Variants in MXD1 observed in about 807,000 individuals in gnomAD.
The protein encoded by MXD1 is MAX-binding protein.
A neutral mutation model predicts 25.7 loss-of-function variants in MXD1; 9 were observed. The ratio of observed to expected loss-of-function variants is 0.35; its 90% CI spans 0.21 to 0.61. MXD1 has a LOEUF of 0.61. MXD1 is among the 20% of genes least tolerant of loss of function. The pLI is 0.75. For synonymous variants in MXD1, 99 were observed against 113.9 expected (o/e 0.87, Z 0.83); for missense variants, 227 against 292.4 (o/e 0.78, Z 1.63).
chr2:69,928,765 G>C (rs1175109069), intron 3 of MXD1, among the ~76,000 whole-genome samples: 1 of 151,440 alleles, frequency 6.6e-6, no homozygotes, highest in Non-Finnish European at 1.5e-5. Flanking sequence ...AGGATTGATT[G>C]AGTCTGCGAA....
At chr2:69,918,306 C>T (rs536600329) in intron 2 of MXD1, among the ~76,000 whole-genome samples, 2 of 152,064 alleles carry the variant, frequency 1.3e-5, no homozygotes, top group Admixed American at 1.3e-4. Flanking sequence ...TTTCCTTGGA[C>T]AATAAAAGAT....
In MXD1 at chr2:69,938,416, A is replaced by C. The variant is rs1325668536; in HGVS notation, c.*132A>C. On this transcript the variant is annotated 3_prime_UTR_variant, in exon 6 of 6. Transcript: ENST00000264444. ...CACCTTGACCAAAATCAGCTTTGTA[A>C]CTGTTTTCAAGGAGGTGCTTAGGAT... is the stretch of plus-strand genomic sequence containing the variant. The C allele has an allele frequency of 1.1e-6, 1 of 890,638 alleles. No individual in the cohort carries two copies. Among genetic ancestry groups the C allele is most frequent in the Non-Finnish European group, 1.7e-6 (1 of 581,902 alleles). The allele number at this position is 890,638 out of a possible 1,614,324, so 55.2% of individuals were successfully genotyped here.
intron 3 of MXD1, among the ~76,000 whole-genome samples, chr2:69,924,977 G>A (rs977086561): frequency 6.6e-6 from 1 of 152,114 alleles, no homozygotes; most frequent in African/African-American, 2.4e-5. Flanking sequence ...AAGTATCTTC[G>A]CATTGGTGGG....
At position 69,937,321 on chromosome 2, in the gene MXD1, G is replaced by A. The variant is rs1224801659; in HGVS notation, c.405G>A (p.Lys135=). 2 of 1,614,216 alleles carry A rather than the reference G, an allele frequency of 1.2e-6. No individual in the cohort carries two copies. The highest frequency in any genetic ancestry group is 2.2e-5 in the East Asian group (1 of 44,882). ...EQRHLKRQLE[K]LGIERIRMDS... The stretch of plus-strand genomic sequence containing the variant: ...GACACCTGAAGAGGCAGCTGGAGAA[G>A]CTGGGCATTGAGAGGATCCGGATGG... The change falls in exon 5 of 6, where the codon AAG becomes AAA. Residue 135 remains lysine, a synonymous_variant. Transcript: ENST00000264444.
rs936945006 is a variant in MXD1, at chr2:69,924,978, C to T, written c.203+3213C>T. Reference sequence around the variant, plus strand: ...ACACCAACACTTTGAAGTATCTTCGCATTGGTGGGACAATAAAAGAAAAGA... The same window carrying T: ...ACACCAACACTTTGAAGTATCTTCGTATTGGTGGGACAATAAAAGAAAAGA... On this transcript the variant is annotated intron_variant, in intron 3 of 5. Coordinates refer to ENST00000264444, the MANE Select transcript of MXD1 (RefSeq NM_002357.4). Among the ~76,000 whole-genome samples, 5 of 152,186 alleles carry T rather than the reference C, an allele frequency of 3.3e-5. No individual in the cohort carries two copies. The South Asian group carries it at 8.3e-4, about 25-fold the overall frequency.
At chr2:69,931,308 A>C (rs1238197820) in intron 3 of MXD1, among the ~76,000 whole-genome samples, 1 of 151,924 alleles carries the variant, frequency 6.6e-6, no homozygotes, top group Non-Finnish European at 1.5e-5. Flanking sequence ...CCCATTAACC[A>C]TCCCCACCTC....
chr2:69,937,820 G>T (rs1395205997), intron 5 of MXD1, among the ~76,000 whole-genome samples: 1 of 152,106 alleles, frequency 6.6e-6, no homozygotes, highest in Non-Finnish European at 1.5e-5. Context: ...CACCATATTG[G>T]CCAGGCTGGT....
At chr2:69,934,822 T>C (rs1376094319) in intron 3 of MXD1, among the ~76,000 whole-genome samples, 1 of 152,228 alleles carries the variant, frequency 6.6e-6, no homozygotes. Flanking sequence ...TAGCATAATT[T>C]ATTTAACCAG....
chr2:69,928,583 C>T (rs533857309), intron 3 of MXD1, among the ~76,000 whole-genome samples: 1 of 151,952 alleles, frequency 6.6e-6, no homozygotes, highest in African/African-American at 2.4e-5. Flanking sequence ...TATCCCAAGA[C>T]TTGCTGGGGG....
intron 2 of MXD1, among the ~76,000 whole-genome samples, chr2:69,920,725 T>A (rs1230758642): frequency 6.6e-6 from 1 of 152,188 alleles, no homozygotes; most frequent in Admixed American, 6.5e-5. Flanking sequence ...TCTAGAGAAT[T>A]TTCATAGAAA....
chr2:69,922,925 TGTATCCATTA>T (rs1008671432), intron 3 of MXD1, among the ~76,000 whole-genome samples: 1 of 150,524 alleles, frequency 6.6e-6, no homozygotes, highest in Non-Finnish European at 1.5e-5. Flanking sequence ...TCAACTCCTA[TGTATCCATTA>T]CCCAGCTTCA....
Position 69,922,879 on chromosome 2 carries a change from CA to C in MXD1, c.203+1131del, listed in dbSNP as rs34830116. Among the ~76,000 whole-genome samples, 214 of 115,046 alleles carry C rather than the reference CA, an allele frequency of 1.9e-3. 4 individuals are homozygous for C. The highest frequency in any genetic ancestry group is 3.2e-3 in the Non-Finnish European group (169 of 53,038). The allele number at this position is 115,046 out of a possible 152,430, so 75.5% of individuals were successfully genotyped here. On this transcript the variant is annotated intron_variant, in intron 3 of 5. Transcript: ENST00000264444. ...TGGGCAACAGAGTGAGACTCCGTCTCAAAAAAAAAAAAAAAAAGTAGAGTGA... is the reference window on the plus strand; with the variant it reads ...TGGGCAACAGAGTGAGACTCCGTCTCAAAAAAAAAAAAAAAAGTAGAGTGA...
intron 3 of MXD1, 146 bp from the exon 4 acceptor site, chr2:69,935,205 A>G: frequency 1.6e-6 from 1 of 632,198 alleles, no homozygotes; most frequent in Non-Finnish European, 2.9e-6. Flanking sequence ...TCTGGTTCAA[A>G]ATATGTTTAT....
rs992659689 is a variant in MXD1 at position 69,941,544 on chromosome 2, C to T, written c.*3260C>T. On this transcript the variant is annotated 3_prime_UTR_variant, in exon 6 of 6. Transcript: ENST00000264444. ...CAGAACTGAACATTAAGTAGGCCCT[C>T]GTCCTGCAGTTGGCCACTTGAGTGT... 1.3e-4 allele frequency: 20 copies of T among 152,154 alleles called. No homozygotes were observed. The highest frequency in any genetic ancestry group is 2.4e-4 in the Non-Finnish European group (16 of 68,028). The allele number at this position is 152,154 out of a possible 1,614,324, so 9.4% of individuals were successfully genotyped here.
chr2:69,920,047 T>C (rs1347267296), intron 2 of MXD1, among the ~76,000 whole-genome samples: 1 of 152,060 alleles, frequency 6.6e-6, no homozygotes, highest in Non-Finnish European at 1.5e-5. Context: ...AGTCTCCCTC[T>C]GTCGCTAGGC....
chr2:69,916,402 C>T, intron 2 of MXD1, 182 bp downstream of exon 2: 2 of 447,342 alleles, frequency 4.5e-6, no homozygotes, highest in Non-Finnish European at 7.9e-6. Context: ...GTTGAGGGAA[C>T]TGAAAAGAAA....
chr2:69,936,038 T>G (rs115999468), intron 4 of MXD1, among the ~76,000 whole-genome samples: 2 of 152,056 alleles, frequency 1.3e-5, no homozygotes, highest in East Asian at 1.9e-4. Context: ...CCAGCCCTTC[T>G]TCCAGTCCCT....
chr2:69,928,606 A>G (rs1219959423), intron 3 of MXD1, among the ~76,000 whole-genome samples: 1 of 151,920 alleles, frequency 6.6e-6, no homozygotes, highest in Middle Eastern at 3.2e-3. Context: ...CTGGCTCACA[A>G]CTGTAATCCC....
At chr2:69,917,824 T>C (rs899539785) in intron 2 of MXD1, among the ~76,000 whole-genome samples, 1 of 102,842 alleles carries the variant, frequency 9.7e-6, no homozygotes, top group African/African-American at 5.7e-5. Flanking sequence ...ATCAGTACTA[T>C]GCCAAAAAAA....
Sources: gnomAD v4.1 joint callset for allele counts (sites outside exome capture counted in the v4.1 genomes callset) on GRCh38, gnomAD v4.1.1 for gene constraint, MANE v1.5 for transcripts, NCBI Gene and HGNC (gene_info 2026-07-23, HGNC 2026-07-21) for gene names.